GPC5: variants seen among roughly 807,000 people sequenced by gnomAD.
The protein encoded by GPC5 is glypican 5.
Under a neutral mutation model 53.9 loss-of-function variants are expected in GPC5, and 47 were observed. The ratio of observed to expected loss-of-function variants is 0.87; its 90% CI spans 0.69 to 1.11. GPC5 has a LOEUF of 1.11. Ranked by LOEUF, GPC5 falls within the 50% of genes most tolerant of loss-of-function variation. The pLI is 0.00. For missense variants in GPC5, 748 were observed against 713.1 expected (o/e 1.05, Z -0.56); for synonymous variants, 286 against 263.3 (o/e 1.09, Z -0.84).
chr13:91,503,846 C>T (rs912656256), intron 2 of GPC5, among the ~76,000 whole-genome samples: 2 of 148,822 alleles, frequency 1.3e-5, no homozygotes, highest in African/African-American at 4.9e-5. Context: ...ATTAGGGAAA[C>T]AGGCTTCCCA....
chr13:91,561,015 G>A (rs2138907604), intron 2 of GPC5, among the ~76,000 whole-genome samples: 1 of 152,216 alleles, frequency 6.6e-6, no homozygotes, highest in East Asian at 1.9e-4. Context: ...TGTGCCCTGA[G>A]GAATAGGAAA....
At chr13:91,893,833 T>G (rs918522364) in intron 5 of GPC5, among the ~76,000 whole-genome samples, 1 of 152,132 alleles carries the variant, frequency 6.6e-6, no homozygotes, top group African/African-American at 2.4e-5. Context: ...TAGCTAGGAA[T>G]AGCGTAATTG....
At chr13:91,849,574 T>A (rs942325488) in intron 5 of GPC5, among the ~76,000 whole-genome samples, 3 of 152,054 alleles carry the variant, frequency 2.0e-5, no homozygotes, top group African/African-American at 7.2e-5. Context: ...AGGTTTAGAG[T>A]CTTACCGGCT....
At chr13:91,709,782 A>G (rs1347890695) in intron 3 of GPC5, among the ~76,000 whole-genome samples, 2 of 152,230 alleles carry the variant, frequency 1.3e-5, no homozygotes, top group East Asian at 3.8e-4. Context: ...TGATTCATAT[A>G]TGATTCCCCA....
intron 2 of GPC5, among the ~76,000 whole-genome samples, chr13:91,587,372 T>C (rs1370090170): frequency 2.0e-5 from 3 of 152,176 alleles, no homozygotes; most frequent in African/African-American, 7.2e-5. Flanking sequence ...AAGCATGACC[T>C]TTTCAAGTCT....
At chr13:91,440,861 A>T (rs375647568) in intron 1 of GPC5, among the ~76,000 whole-genome samples, 36 of 152,276 alleles carry the variant, frequency 2.4e-4, no homozygotes, top group African/African-American at 8.2e-4. Context: ...TAGACTGCAC[A>T]AGTTATGTGA....
intron 7 of GPC5, among the ~76,000 whole-genome samples, chr13:92,581,732 A>G (rs1883378558): frequency 6.6e-6 from 1 of 152,130 alleles, no homozygotes; most frequent in African/African-American, 2.4e-5. Context: ...ACTTGTTGTC[A>G]TTCAATTTTT....
At chr13:92,262,558 T>C (rs2042774207) in intron 7 of GPC5, among the ~76,000 whole-genome samples, 1 of 152,158 alleles carries the variant, frequency 6.6e-6, no homozygotes. Flanking sequence ...GCATTTGAGC[T>C]CACGTGTTTT....
At chr13:91,489,088 T>A (rs530886274) in intron 2 of GPC5, among the ~76,000 whole-genome samples, 20 of 152,330 alleles carry the variant, frequency 1.3e-4, no homozygotes, top group Non-Finnish European at 2.1e-4. Context: ...GCTCATGAGA[T>A]GTTATCAATG....
At chr13:92,003,082 G>A (rs745519261) in intron 6 of GPC5, among the ~76,000 whole-genome samples, 43 of 152,056 alleles carry the variant, frequency 2.8e-4, no homozygotes, top group Non-Finnish European at 2.2e-4. Context: ...AGGCCAAGGC[G>A]GGTGGATCAC....
intron 7 of GPC5, among the ~76,000 whole-genome samples, chr13:92,576,248 A>C (rs1883187101): frequency 6.6e-6 from 1 of 152,188 alleles, no homozygotes. Flanking sequence ...CCTCCAGCAA[A>C]AATCATGCAG....
At chr13:91,992,542 T>C (rs570968442) in intron 6 of GPC5, among the ~76,000 whole-genome samples, 12 of 152,014 alleles carry the variant, frequency 7.9e-5, no homozygotes, top group Non-Finnish European at 1.5e-4. Context: ...ACTGCAACCT[T>C]TGCCTTCCAG....
intron 7 of GPC5, among the ~76,000 whole-genome samples, chr13:92,182,052 A>G (rs893440356): frequency 6.6e-6 from 1 of 152,200 alleles, no homozygotes; most frequent in East Asian, 1.9e-4. Context: ...CCTTCAATAA[A>G]ATAGCCATTC....
chr13:92,094,177 T>A (rs1222676313), intron 6 of GPC5, among the ~76,000 whole-genome samples: 2 of 152,170 alleles, frequency 1.3e-5, no homozygotes, highest in Non-Finnish European at 2.9e-5. Flanking sequence ...TTTTAGGACA[T>A]TATATATTTG....
intron 6 of GPC5, among the ~76,000 whole-genome samples, chr13:92,078,429 C>A (rs1349009747): frequency 1.3e-5 from 2 of 152,160 alleles, no homozygotes; most frequent in Admixed American, 6.5e-5. Context: ...ATAGGCCTGA[C>A]CTCCTGGGGT....
chr13:91,823,367 G>A (rs886849399), intron 5 of GPC5, among the ~76,000 whole-genome samples: 3 of 152,164 alleles, frequency 2.0e-5, no homozygotes, highest in East Asian at 3.9e-4. Context: ...TTAACAAAAT[G>A]TCTTTTTTTG....
intron 5 of GPC5, among the ~76,000 whole-genome samples, chr13:91,841,043 A>ATT (rs33999261): frequency 2.0e-5 from 3 of 149,890 alleles, no homozygotes; most frequent in African/African-American, 7.3e-5. Flanking sequence ...AAAATATATG[A>ATT]TTTTTTTTTT....
At chr13:91,490,178 G>A (rs1741663827) in intron 2 of GPC5, among the ~76,000 whole-genome samples, 2 of 152,152 alleles carry the variant, frequency 1.3e-5, no homozygotes, top group South Asian at 4.1e-4. Context: ...GTTGGGGTCA[G>A]GGAGTTTAAG....
intron 6 of GPC5, among the ~76,000 whole-genome samples, chr13:91,949,322 A>G (rs1039936948): frequency 5.9e-5 from 9 of 152,196 alleles, no homozygotes; most frequent in African/African-American, 2.2e-4. Context: ...TGTACACTCA[A>G]TCAAACTATG....
Sources: gnomAD v4.1 joint callset for allele counts (sites outside exome capture counted in the v4.1 genomes callset) on GRCh38, gnomAD v4.1.1 for gene constraint, MANE v1.5 for transcripts, NCBI Gene and HGNC (gene_info 2026-07-23, HGNC 2026-07-21) for gene names.